Variants in TMEFF2 observed in about 807,000 individuals in gnomAD.
TMEFF2 encodes tomoregulin-2.
A neutral mutation model predicts 53.8 loss-of-function variants in TMEFF2; 28 were observed. That is an observed-to-expected ratio of 0.52 (90% CI 0.39 to 0.71). TMEFF2 has a LOEUF of 0.71. Among genes scored for constraint, TMEFF2 ranks in the 30% least tolerant of loss-of-function variants. The probability of loss-of-function intolerance (pLI) is 0.00; values close to 1 mark genes in which losing one functional copy is unlikely to be tolerated. For synonymous variants in TMEFF2, 162 were observed against 166.3 expected (o/e 0.97, Z 0.20); for missense variants, 353 against 455.2 (o/e 0.78, Z 2.04).
intron 7 of TMEFF2, among the ~76,000 whole-genome samples, chr2:191,967,851 T>C (rs1290612579): frequency 2.0e-5 from 3 of 152,168 alleles, no homozygotes; most frequent in Admixed American, 2.0e-4. Context: ...GCATCCACTC[T>C]TGGATGTTAC....
chr2:192,119,768 T>A (rs1290690854), intron 4 of TMEFF2, among the ~76,000 whole-genome samples: 2 of 152,216 alleles, frequency 1.3e-5, no homozygotes, highest in East Asian at 3.9e-4. Flanking sequence ...ATTCAAACAA[T>A]GTCATCTGTC....
intron 5 of TMEFF2, among the ~76,000 whole-genome samples, chr2:192,025,293 A>G (rs1481041514): frequency 6.6e-6 from 1 of 152,048 alleles, no homozygotes; most frequent in Non-Finnish European, 1.5e-5. Flanking sequence ...ATGAAGGATG[A>G]GCCTACAACC....
chr2:192,187,221 T>C (rs866135980), intron 2 of TMEFF2, among the ~76,000 whole-genome samples: 5 of 152,188 alleles, frequency 3.3e-5, no homozygotes, highest in Non-Finnish European at 5.9e-5. Flanking sequence ...TAGTTAACAA[T>C]GAAATATTTA....
intron 5 of TMEFF2, among the ~76,000 whole-genome samples, chr2:192,053,609 A>G (rs17430744): frequency 0.059 from 8,910 of 152,306 alleles, 369 homozygotes; most frequent in Non-Finnish European, 0.092. Context: ...GTTAGTGTTA[A>G]AGGCAAAATA....
chr2:192,158,574 A>G (rs1409951071), intron 4 of TMEFF2, among the ~76,000 whole-genome samples: 1 of 152,178 alleles, frequency 6.6e-6, no homozygotes, highest in Admixed American at 6.6e-5. Flanking sequence ...CCATGGTTAC[A>G]CTGACTACTG....
At chr2:192,064,647 A>G (rs545877494) in intron 4 of TMEFF2, among the ~76,000 whole-genome samples, 15 of 151,856 alleles carry the variant, frequency 9.9e-5, no homozygotes, top group Non-Finnish European at 2.1e-4. Context: ...GTTTCTTGCC[A>G]TAGCTGCATG....
At chr2:192,149,219 G>A (rs538926122) in intron 4 of TMEFF2, among the ~76,000 whole-genome samples, 4 of 152,008 alleles carry the variant, frequency 2.6e-5, no homozygotes, top group African/African-American at 9.6e-5. Context: ...TCAGAATGAC[G>A]TTCAGTGAAA....
chr2:192,093,437 G>C (rs1296248463), intron 4 of TMEFF2, among the ~76,000 whole-genome samples: 1 of 151,752 alleles, frequency 6.6e-6, no homozygotes, highest in Non-Finnish European at 1.5e-5. Context: ...ACTCTTTCTT[G>C]TTTCAATAAT....
intron 7 of TMEFF2, among the ~76,000 whole-genome samples, chr2:191,976,950 C>T (rs1166542737): frequency 6.6e-6 from 1 of 152,206 alleles, no homozygotes; most frequent in Non-Finnish European, 1.5e-5. Context: ...CTGTCTGGCA[C>T]ACAGTAAGTA....
intron 4 of TMEFF2, among the ~76,000 whole-genome samples, chr2:192,101,481 GTTTTA>G (rs1689030770): frequency 6.6e-6 from 1 of 152,000 alleles, no homozygotes; most frequent in South Asian, 2.1e-4. Context: ...ATTTTGCTAT[GTTTTA>G]TTTTCTCTAC....
intron 5 of TMEFF2, among the ~76,000 whole-genome samples, chr2:192,032,878 A>G (rs1687176795): frequency 6.6e-6 from 1 of 152,206 alleles, no homozygotes. Flanking sequence ...TTAATTTTAT[A>G]TTATAAATAA....
At chr2:192,156,369 A>G (rs1045238342) in intron 4 of TMEFF2, among the ~76,000 whole-genome samples, 4 of 151,990 alleles carry the variant, frequency 2.6e-5, no homozygotes, top group African/African-American at 9.7e-5. Flanking sequence ...GTTTTTACAG[A>G]TGAGAAAACT....
intron 5 of TMEFF2, among the ~76,000 whole-genome samples, chr2:192,033,902 A>G (rs5010192): frequency 0.97 from 147,094 of 152,176 alleles, 71,282 homozygotes; most frequent in East Asian, 1. Context: ...TTGGCCAGGC[A>G]TGGTGGCTCA....
chr2:192,090,637 A>T (rs1434605968), intron 4 of TMEFF2, among the ~76,000 whole-genome samples: 1 of 152,150 alleles, frequency 6.6e-6, no homozygotes, highest in East Asian at 1.9e-4. Context: ...ATGTAGGAGC[A>T]CCAGGAATAG....
chr2:192,117,418 G>A lies in TMEFF2; in HGVS notation c.440-59643C>T, dbSNP rs10469744. 4.9e-3 allele frequency among the ~76,000 whole-genome samples: 746 copies of A among 152,268 alleles called. 7 individuals carry two copies. The highest frequency in any genetic ancestry group is 0.017 in the African/African-American group (724 of 41,564). ...TAGGTAGAAGTAAAAGATTCCTCAAGTGAGTAAGATGGTAATTTATTTAAT... is the reference window on the plus strand; with the variant it reads ...TAGGTAGAAGTAAAAGATTCCTCAAATGAGTAAGATGGTAATTTATTTAAT... On this transcript the variant is annotated intron_variant, in intron 4 of 9. Coordinates refer to ENST00000272771, the MANE Select transcript of TMEFF2 (RefSeq NM_016192.4).
At position 191,972,308 on chromosome 2, in the gene TMEFF2, C is replaced by CTT. The variant is rs764218539; in HGVS notation, c.746-15932_746-15931dup. 2.0e-3 allele frequency among the ~76,000 whole-genome samples: 143 copies of CTT among 72,830 alleles called. 7 individuals carry two copies. The highest frequency in any genetic ancestry group is 4.6e-3 in the African/African-American group (76 of 16,660). 47.8% of individuals were successfully genotyped at this position (72,830 alleles called of 152,430 possible). Reference sequence around the variant, plus strand: ...TACAGGCACCCACCATCATGCCCAGCTTTTTTTTTTTTTTTTTTTTTTTTT... The same window carrying CTT: ...TACAGGCACCCACCATCATGCCCAGCTTTTTTTTTTTTTTTTTTTTTTTTTTT... On this transcript the variant is annotated intron_variant, in intron 7 of 9. Transcript: ENST00000272771.
chr2:192,189,370 C>T (rs913258550), intron 2 of TMEFF2, among the ~76,000 whole-genome samples: 2 of 151,218 alleles, frequency 1.3e-5, no homozygotes, highest in African/African-American at 2.4e-5. Context: ...GTGGTGAAAC[C>T]GTGTGTCTAC....
At chr2:192,013,903 A>C (rs1686690496) in intron 5 of TMEFF2, among the ~76,000 whole-genome samples, 1 of 152,074 alleles carries the variant, frequency 6.6e-6, no homozygotes, top group Non-Finnish European at 1.5e-5. Flanking sequence ...TGTTGAAAAA[A>C]TGAATAAGTA....
At chr2:191,970,431 A>G (rs1692602996) in intron 7 of TMEFF2, among the ~76,000 whole-genome samples, 1 of 151,810 alleles carries the variant, frequency 6.6e-6, no homozygotes. Flanking sequence ...TGGTGTCCTC[A>G]AGAGGAAGGG....
Sources: allele counts gnomAD v4.1 joint callset (sites outside exome capture counted in the v4.1 genomes callset), GRCh38; gene constraint gnomAD v4.1.1; transcripts MANE v1.5; gene names NCBI Gene and HGNC (gene_info 2026-07-23, HGNC 2026-07-21).